Variants in HS6ST3 observed in about 807,000 individuals in gnomAD.
HS6ST3 encodes heparan-sulfate 6-O-sulfotransferase 3.
Under a neutral mutation model 36.7 loss-of-function variants are expected in HS6ST3, and 12 were observed. The ratio of observed to expected loss-of-function variants is 0.33; its 90% CI spans 0.21 to 0.53. The LOEUF (loss-of-function observed/expected upper bound fraction) is 0.53. Ranked by LOEUF, HS6ST3 falls within the 20% of genes least tolerant of loss-of-function variation. HS6ST3 has a pLI of 0.95. For synonymous variants in HS6ST3, 240 were observed against 257.5 expected, an observed-to-expected ratio of 0.93 and a Z score of 0.65; for missense variants, 584 against 640.9, an observed-to-expected ratio of 0.91 and a Z score of 0.96.
At position 96,459,100 on chromosome 13, in the gene HS6ST3, T is replaced by TAAAAAAAAAAAAAAAAAAAAAA. The variant is rs747439262; in HGVS notation, c.707+367535_707+367556dup. 1.8e-3 allele frequency among the ~76,000 whole-genome samples: 118 copies of TAAAAAAAAAAAAAAAAAAAAAA among 63,866 alleles called. 10 individuals carry two copies. Among genetic ancestry groups the TAAAAAAAAAAAAAAAAAAAAAA allele is most frequent in the East Asian group, 5.7e-3 (13 of 2,280 alleles). The allele number at this position is 63,866 out of a possible 152,430, so 41.9% of individuals were successfully genotyped here. A position where few individuals can be genotyped will look rare whatever the true frequency, so the allele number is the denominator to read the frequency against. On this transcript the variant is annotated intron_variant, in intron 1 of 1. Coordinates refer to ENST00000376705, the MANE Select transcript of HS6ST3 (RefSeq NM_153456.4). ...GCCTGGGCGACAGAGCAAGACTGTCTAAAAAAAAAAAAAAAAAAAAAAAAA... is the reference window on the plus strand; with the variant it reads ...GCCTGGGCGACAGAGCAAGACTGTCTAAAAAAAAAAAAAAAAAAAAAAAAAAAAAAAAAAAAAAAAAAAAAAA...
intron 1 of HS6ST3, among the ~76,000 whole-genome samples, chr13:96,800,012 A>ATATATATATGTATATATATATG (rs1456437624): frequency 8.0e-6 from 1 of 125,176 alleles, no homozygotes; most frequent in Non-Finnish European, 1.6e-5. Context: ...ATATATATAT[A>ATATATATATGTATATATATATG]TGTATATATA....
intron 1 of HS6ST3, among the ~76,000 whole-genome samples, chr13:96,622,057 G>T (rs1038183401): frequency 3.9e-5 from 6 of 152,080 alleles, no homozygotes; most frequent in Non-Finnish European, 5.9e-5. Flanking sequence ...CTGTTTCCTT[G>T]GAAACTACAC....
intron 1 of HS6ST3, among the ~76,000 whole-genome samples, chr13:96,748,564 A>G (rs1054402139): frequency 2.6e-5 from 4 of 152,092 alleles, no homozygotes; most frequent in Admixed American, 2.0e-4. Flanking sequence ...CTGGTTTGCA[A>G]ATATCTCACA....
intron 1 of HS6ST3, among the ~76,000 whole-genome samples, chr13:96,145,579 A>G (rs1835288573): frequency 6.6e-6 from 1 of 152,086 alleles, no homozygotes; most frequent in African/African-American, 2.4e-5. Flanking sequence ...GTAGGTTGCA[A>G]AAATTTTCTC....
intron 1 of HS6ST3, among the ~76,000 whole-genome samples, chr13:96,232,314 G>A (rs770500663): frequency 2.0e-5 from 3 of 152,062 alleles, no homozygotes; most frequent in Admixed American, 6.6e-5. Flanking sequence ...TGAAAGCTTC[G>A]CTGGTTGTGA....
At chr13:96,680,454 G>T (rs956817508) in intron 1 of HS6ST3, among the ~76,000 whole-genome samples, 10 of 152,146 alleles carry the variant, frequency 6.6e-5, no homozygotes, top group Admixed American at 5.9e-4. Context: ...AGGCTGGGTG[G>T]TTAGGCACTC....
intron 1 of HS6ST3, among the ~76,000 whole-genome samples, chr13:96,431,332 C>T (rs532608856): frequency 7.2e-5 from 11 of 152,236 alleles, no homozygotes; most frequent in Admixed American, 7.2e-4. Flanking sequence ...GGGCTTTTCT[C>T]TTTCCTCTTT....
chr13:96,612,899 G>T (rs1367235534), intron 1 of HS6ST3, among the ~76,000 whole-genome samples: 1 of 152,042 alleles, frequency 6.6e-6, no homozygotes, highest in Non-Finnish European at 1.5e-5. Context: ...GCTTCATGGG[G>T]GCGAGTCAGT....
rs183513082 is a variant in HS6ST3 at position 96,255,015 on chromosome 13, T to C, written c.707+163446T>C. Among the ~76,000 whole-genome samples the C allele has an allele frequency of 3.5e-3, 531 of 152,288 alleles. 4 individuals carry two copies. Among genetic ancestry groups the C allele is most frequent in the African/African-American group, 0.012 (508 of 41,570 alleles). ...TGTAAAATGAACGCGTCAGAGTAAA[T>C]GGTGAAAGTTAGGTTAGAAAAGATA... is the stretch of plus-strand genomic sequence containing the variant. On this transcript the variant is annotated intron_variant, in intron 1 of 1. Transcript: ENST00000376705.
intron 1 of HS6ST3, among the ~76,000 whole-genome samples, chr13:96,423,923 C>A (rs1453847545): frequency 1.3e-5 from 2 of 152,124 alleles, no homozygotes; most frequent in African/African-American, 2.4e-5. Context: ...CCCAAACATG[C>A]GATTGTATCT....
intron 1 of HS6ST3, among the ~76,000 whole-genome samples, chr13:96,783,673 A>G (rs1409377981): frequency 2.6e-5 from 4 of 151,048 alleles, no homozygotes; most frequent in African/African-American, 9.8e-5. Flanking sequence ...CAGGTTTGTT[A>G]GGCAATTTGA....
At chr13:96,828,243 G>C (rs1878692095) in intron 1 of HS6ST3, among the ~76,000 whole-genome samples, 1 of 152,164 alleles carries the variant, frequency 6.6e-6, no homozygotes, top group Non-Finnish European at 1.5e-5. Flanking sequence ...AGTTTCTTTA[G>C]CACATTTCAA....
chr13:96,535,252 G>A (rs2056150760), intron 1 of HS6ST3, among the ~76,000 whole-genome samples: 1 of 151,922 alleles, frequency 6.6e-6, no homozygotes, highest in African/African-American at 2.4e-5. Context: ...AGGTATGCGT[G>A]GAGTTAAAAG....
intron 1 of HS6ST3, among the ~76,000 whole-genome samples, chr13:96,719,107 G>A (rs1304013140): frequency 6.6e-6 from 1 of 151,710 alleles, no homozygotes; most frequent in Admixed American, 6.6e-5. Flanking sequence ...ACCCCATCTC[G>A]ACTAAAAATA....
At chr13:96,231,873 G>T (rs1057420506) in intron 1 of HS6ST3, among the ~76,000 whole-genome samples, 2 of 152,162 alleles carry the variant, frequency 1.3e-5, no homozygotes, top group Non-Finnish European at 2.9e-5. Flanking sequence ...CTCAGTCTCT[G>T]TACTGACCAG....
At chr13:96,669,404 G>A (rs1377988207) in intron 1 of HS6ST3, among the ~76,000 whole-genome samples, 6 of 152,138 alleles carry the variant, frequency 3.9e-5, no homozygotes, top group South Asian at 2.1e-4. Context: ...TTTCAGGACA[G>A]ATTGTTGCCT....
chr13:96,472,716 G>A (rs2138891611), intron 1 of HS6ST3, among the ~76,000 whole-genome samples: 1 of 152,180 alleles, frequency 6.6e-6, no homozygotes, highest in African/African-American at 2.4e-5. Context: ...CTGGCACTTA[G>A]TAGTTATCCA....
At chr13:96,299,290 G>A (rs1175274164) in intron 1 of HS6ST3, among the ~76,000 whole-genome samples, 1 of 152,212 alleles carries the variant, frequency 6.6e-6, no homozygotes, top group Admixed American at 6.5e-5. Context: ...CTCATTTACT[G>A]CTTCGTTCCT....
At chr13:96,544,580 AT>A (rs2056190357) in intron 1 of HS6ST3, among the ~76,000 whole-genome samples, 1 of 152,166 alleles carries the variant, frequency 6.6e-6, no homozygotes, top group Admixed American at 6.6e-5. Flanking sequence ...AATGTAAATC[AT>A]TATTACCTTT....
Sources: gnomAD v4.1 joint callset for allele counts (sites outside exome capture counted in the v4.1 genomes callset) on GRCh38, gnomAD v4.1.1 for gene constraint, MANE v1.5 for transcripts, NCBI Gene and HGNC (gene_info 2026-07-23, HGNC 2026-07-21) for gene names.